CFAP44: variants seen among roughly 807,000 people sequenced by gnomAD.
The protein encoded by CFAP44 is cilia- and flagella-associated protein 44.
In CFAP44, 134 loss-of-function variants were observed where a neutral mutation model predicts 216.2. That is an observed-to-expected ratio of 0.62 (90% CI 0.54 to 0.72). The LOEUF is 0.72. Ranked by LOEUF, CFAP44 falls within the 30% of genes least tolerant of loss-of-function variation. The probability of loss-of-function intolerance (pLI) is 0.00; values close to 1 mark genes in which losing one functional copy is unlikely to be tolerated. For synonymous variants in CFAP44, 700 were observed against 727.6 expected (o/e 0.96, Z 0.61); for missense variants, 2,035 against 2,182.1 (o/e 0.93, Z 1.34).
chr3:113,441,377 G>C (rs1300795927), intron 1 of CFAP44, 76 bp downstream of exon 1: 1 of 985,122 alleles, frequency 1.0e-6, no homozygotes. Context: ...AAGCCCAAGT[G>C]GGGTTCACTG....
chr3:113,304,101 A>G lies in CFAP44; in HGVS notation c.4892T>C (p.Phe1631Ser), dbSNP rs1259917323. The G allele has an allele frequency of 1.3e-6, 2 of 1,537,088 alleles. No individual in the cohort carries two copies. Among genetic ancestry groups the G allele is most frequent in the Non-Finnish European group, 1.7e-6 (2 of 1,146,878 alleles). ...LKLHQIEYVV[F>S]GEIPSDLSGT... ...AGAAAGATCGCTAGGTATTTCTCCA[A>G]ATACCACATACTCTATCTACAAGCA... The change falls in exon 32 of 35, where the codon TTT (phenylalanine) becomes TCT (serine). Residue 1631 changes from phenylalanine to serine, a missense_variant. Coordinates refer to ENST00000393845, the MANE Select transcript of CFAP44 (RefSeq NM_001164496.2).
At chr3:113,416,814 C>T (rs1934660410) in intron 5 of CFAP44, among the ~76,000 whole-genome samples, 187 bp from the exon 6 acceptor site, 1 of 152,088 alleles carries the variant, frequency 6.6e-6, no homozygotes, top group African/African-American at 2.4e-5. Flanking sequence ...TAGAAGAATA[C>T]ACATTTTAAA....
rs140684107 is a variant in CFAP44 at position 113,375,407 on chromosome 3, G to C, written c.2299-1851C>G. Among the ~76,000 whole-genome samples the C allele has an allele frequency of 1.4e-4, 21 of 152,232 alleles. No individual in the cohort carries two copies. The East Asian group carries it at 3.9e-3, about 28-fold the overall frequency. ...CTTTAAAATAAAAGTTACGAAGCTG[G>C]AACAGAGATCAGAAAAAATAGGCTA... is the stretch of plus-strand genomic sequence containing the variant. On this transcript the variant is annotated intron_variant, in intron 17 of 34. Transcript: ENST00000393845.
At chr3:113,386,011 C>A (rs1054689044) in intron 15 of CFAP44, among the ~76,000 whole-genome samples, 2 of 152,068 alleles carry the variant, frequency 1.3e-5, no homozygotes, top group Non-Finnish European at 2.9e-5. Flanking sequence ...CTGAAATCTG[C>A]TATCATTGTA....
chr3:113,380,078 G>A (rs916647893), intron 16 of CFAP44, among the ~76,000 whole-genome samples: 2 of 151,986 alleles, frequency 1.3e-5, no homozygotes, highest in East Asian at 3.8e-4. Context: ...GGGTACATGT[G>A]CACAATGTGC....
chr3:113,385,693 G>A (rs1421632929), intron 15 of CFAP44, among the ~76,000 whole-genome samples: 1 of 152,090 alleles, frequency 6.6e-6, no homozygotes, highest in Non-Finnish European at 1.5e-5. Context: ...AGGCTGGAGG[G>A]TGGTGGTGTG....
At chr3:113,396,395 C>A in intron 14 of CFAP44, 123 bp downstream of exon 14, 1 of 1,127,516 alleles carries the variant, frequency 8.9e-7, no homozygotes. Context: ...ACAAAGAAAG[C>A]AAAATGTGAA....
chr3:113,391,773 C>T (rs1404244579), intron 15 of CFAP44, among the ~76,000 whole-genome samples: 1 of 152,210 alleles, frequency 6.6e-6, no homozygotes, highest in East Asian at 1.9e-4. Context: ...GAAAAGAAGG[C>T]ATGAGAATGG....
At chr3:113,388,453 C>T (rs111769583) in intron 15 of CFAP44, among the ~76,000 whole-genome samples, 9 of 150,138 alleles carry the variant, frequency 6.0e-5, no homozygotes, top group Non-Finnish European at 1.2e-4. Context: ...GTCACTAAAA[C>T]GTAGATAAGA....
chr3:113,343,413 A>G (rs955303458), intron 23 of CFAP44, among the ~76,000 whole-genome samples: 32 of 152,198 alleles, frequency 2.1e-4, no homozygotes, highest in African/African-American at 7.2e-4. Flanking sequence ...CAAGCTTTAG[A>G]GACATGAAAA....
At chr3:113,379,905 T>C (rs1331170121) in intron 16 of CFAP44, among the ~76,000 whole-genome samples, 1 of 152,220 alleles carries the variant, frequency 6.6e-6, no homozygotes, top group Non-Finnish European at 1.5e-5. Flanking sequence ...AGTAATACTG[T>C]GAGTTTGGCC....
chr3:113,360,630 A>T (rs1950531179), intron 21 of CFAP44: 1 of 155,086 alleles, frequency 6.4e-6, no homozygotes, highest in South Asian at 2.0e-4. Context: ...CTATGGAAAG[A>T]AGATGTTTCT....
intron 3 of CFAP44, chr3:113,426,972 G>A: frequency 2.0e-6 from 1 of 512,696 alleles, no homozygotes; most frequent in Non-Finnish European, 3.3e-6. Flanking sequence ...CCAGAAGAAT[G>A]AGTATCAGAG....
intron 22 of CFAP44, among the ~76,000 whole-genome samples, 175 bp downstream of exon 22, chr3:113,358,570 G>A (rs927657331): frequency 4.6e-5 from 7 of 152,126 alleles, no homozygotes; most frequent in Admixed American, 1.3e-4. Context: ...AGAAAGGAGT[G>A]CACAGAAAGC....
Position 113,400,540 on chromosome 3 carries a change from C to T in CFAP44, c.1474+5G>A. 1 of 1,564,904 alleles carries T rather than the reference C, an allele frequency of 6.4e-7. No individual in the cohort carries two copies. The highest frequency in any genetic ancestry group is 8.6e-7 in the Non-Finnish European group (1 of 1,159,294). On this transcript the variant is annotated splice_donor_5th_base_variant and intron_variant, in intron 12 of 34. Transcript: ENST00000393845. ...GACATATTTTTATTAAGAGTTCCTA[C>T]TTACAGTCCAAGGCAGTTGTGGCCA...
intron 27 of CFAP44, among the ~76,000 whole-genome samples, 176 bp from the exon 28 acceptor site, chr3:113,326,816 A>C (rs976970671): frequency 1.3e-5 from 2 of 152,142 alleles, no homozygotes; most frequent in Non-Finnish European, 2.9e-5. Flanking sequence ...AAATTTTATA[A>C]TTCCTTTGTA....
chr3:113,394,510 C>T (rs915283560), intron 15 of CFAP44, among the ~76,000 whole-genome samples: 1 of 152,180 alleles, frequency 6.6e-6, no homozygotes, highest in Admixed American at 6.5e-5. Flanking sequence ...TTGGTCATAT[C>T]CTACCAATTT....
chr3:113,304,149 G>A (rs2270782), intron 31 of CFAP44, 32 bp from the exon 32 acceptor site: 1,132,078 of 1,521,020 alleles, frequency 0.74, 423,578 homozygotes, highest in Admixed American at 0.83. Flanking sequence ...AAAGAAAATA[G>A]ACAAAAACAC....
At chr3:113,292,505 AAAGGAAAGAC>A (rs1949840095) in intron 34 of CFAP44, among the ~76,000 whole-genome samples, 1 of 152,224 alleles carries the variant, frequency 6.6e-6, no homozygotes, top group South Asian at 2.1e-4. Flanking sequence ...TACATCTGTG[AAAGGAAAGAC>A]ATAATACTTG....
Sources: allele counts gnomAD v4.1 joint callset (sites outside exome capture counted in the v4.1 genomes callset), GRCh38; gene constraint gnomAD v4.1.1; transcripts MANE v1.5; gene names NCBI Gene and HGNC (gene_info 2026-07-23, HGNC 2026-07-21).